Variants in DHRSX observed in about 807,000 individuals in gnomAD.
DHRSX encodes dehydrogenase/reductase X-linked, also known as polyprenol dehydrogenase.
Under a neutral mutation model 34.0 loss-of-function variants are expected in DHRSX, and 31 were observed. The ratio of observed to expected loss-of-function variants is 0.91; its 90% CI spans 0.69 to 1.23. The LOEUF is 1.23. Among genes scored for constraint, DHRSX ranks in the 50% most tolerant of loss-of-function variants. The probability of loss-of-function intolerance (pLI) is 0.00; values close to 1 mark genes in which losing one functional copy is unlikely to be tolerated. For synonymous variants in DHRSX, 201 were observed against 183.8 expected (o/e 1.09, Z -0.76); for missense variants, 414 against 428.1 (o/e 0.97, Z 0.29).
chrX:2,489,913 G>C, intron 1 of DHRSX: 1 of 1,613,884 alleles, frequency 6.2e-7, no homozygotes, highest in Middle Eastern at 1.7e-4. Context: ...TGCCATAGTT[G>C]GTGGTGGCCC....
intron 3 of DHRSX, among the ~76,000 whole-genome samples, chrX:2,357,715 A>C (rs1602999128): frequency 6.6e-6 from 1 of 151,810 alleles, no homozygotes; most frequent in South Asian, 2.1e-4. Flanking sequence ...AAAAAAAAAA[A>C]AAAAAGAATC....
intron 1 of DHRSX, among the ~76,000 whole-genome samples, chrX:2,482,689 A>G (rs1328768078): frequency 6.6e-6 from 1 of 152,228 alleles, no homozygotes; most frequent in Non-Finnish European, 1.5e-5. Context: ...TTGTGGATAC[A>G]GTTTTGGAAG....
intron 3 of DHRSX, among the ~76,000 whole-genome samples, chrX:2,303,728 ATGGATAGG>A (rs1208676810): frequency 6.7e-6 from 1 of 148,708 alleles, no homozygotes; most frequent in Non-Finnish European, 1.5e-5. Flanking sequence ...GGGTAGATGG[ATGGATAGG>A]TGGATGGATG....
At chrX:2,450,386 C>T (rs1355980979) in intron 1 of DHRSX, among the ~76,000 whole-genome samples, 3 of 151,998 alleles carry the variant, frequency 2.0e-5, no homozygotes, top group African/African-American at 4.8e-5. Context: ...CGCTCGAACC[C>T]GGGAGGTGAA....
At chrX:2,476,720 T>A (rs1274397319) in intron 1 of DHRSX, among the ~76,000 whole-genome samples, 3 of 152,168 alleles carry the variant, frequency 2.0e-5, no homozygotes, top group Admixed American at 2.0e-4. Flanking sequence ...AAGAATGGGA[T>A]TGACCAGGTG....
chrX:2,295,276 G>A (rs1033540460), intron 3 of DHRSX, among the ~76,000 whole-genome samples: 1 of 152,130 alleles, frequency 6.6e-6, no homozygotes, highest in African/African-American at 2.4e-5. Flanking sequence ...TCCTTTGCAG[G>A]GACATGGATG....
intron 3 of DHRSX, among the ~76,000 whole-genome samples, chrX:2,328,067 G>A (rs745471928): frequency 1.2e-3 from 98 of 84,590 alleles, no homozygotes; most frequent in African/African-American, 4.6e-3. Flanking sequence ...GCGACAGAGC[G>A]AGACTCCGTC....
chrX:2,310,807 T>A (rs2042155201), intron 3 of DHRSX, among the ~76,000 whole-genome samples: 1 of 151,610 alleles, frequency 6.6e-6, no homozygotes, highest in South Asian at 2.1e-4. Context: ...ACACCTGTAA[T>A]CCCAATAGTT....
At chrX:2,285,912 T>C (rs1212219046) in intron 4 of DHRSX, among the ~76,000 whole-genome samples, 4 of 152,100 alleles carry the variant, frequency 2.6e-5, no homozygotes, top group Non-Finnish European at 5.9e-5. Context: ...GATGAACCCA[T>C]TCTCAGCGTT....
chrX:2,307,483 C>CG (rs1230990853), intron 3 of DHRSX, among the ~76,000 whole-genome samples: 84 of 150,960 alleles, frequency 5.6e-4, no homozygotes, highest in Middle Eastern at 6.8e-3. Flanking sequence ...CAAACAAGGC[C>CG]GGGGGGTGGG....
intron 6 of DHRSX, among the ~76,000 whole-genome samples, chrX:2,224,019 A>T (rs921206964): frequency 2.6e-4 from 40 of 152,216 alleles, no homozygotes; most frequent in Non-Finnish European, 5.1e-4. Context: ...AGAAATGAGC[A>T]TTTACACCTC....
intron 5 of DHRSX, among the ~76,000 whole-genome samples, chrX:2,248,770 CA>C: frequency 6.6e-6 from 1 of 152,064 alleles, no homozygotes; most frequent in South Asian, 2.1e-4. Flanking sequence ...GCTCAGAGGC[CA>C]AAAAAATCTA....
chrX:2,438,912 C>T (rs934954378), intron 1 of DHRSX, among the ~76,000 whole-genome samples: 11 of 151,824 alleles, frequency 7.2e-5, no homozygotes, highest in African/African-American at 2.2e-4. Context: ...TTTGAGAGGC[C>T]GAGGTGGGTG....
At chrX:2,365,236 TTAAA>T (rs1179605629) in intron 3 of DHRSX, among the ~76,000 whole-genome samples, 5 of 152,306 alleles carry the variant, frequency 3.3e-5, no homozygotes, top group Admixed American at 2.0e-4. Context: ...TACAAGGAAC[TTAAA>T]TAAATTCTCC....
chrX:2,290,589 A>G (rs113198050), intron 4 of DHRSX, among the ~76,000 whole-genome samples: 24,662 of 152,138 alleles, frequency 0.16, 2,668 homozygotes, highest in Non-Finnish European at 0.23. Context: ...CATGTATTTG[A>G]AAGGAATGTG....
At chrX:2,356,403 A>G (rs1461549088) in intron 3 of DHRSX, among the ~76,000 whole-genome samples, 1 of 152,154 alleles carries the variant, frequency 6.6e-6, no homozygotes, top group African/African-American at 2.4e-5. Flanking sequence ...AATGTGGAGA[A>G]TCATGTCAGG....
At chrX:2,237,273 T>G (rs1467403201) in intron 6 of DHRSX, among the ~76,000 whole-genome samples, 2 of 152,132 alleles carry the variant, frequency 1.3e-5, no homozygotes, top group Admixed American at 6.6e-5. Context: ...TCAATCCAAG[T>G]TCCAATCAAC....
chrX:2,345,663 A>G (rs1231340987), intron 3 of DHRSX, among the ~76,000 whole-genome samples: 1 of 151,598 alleles, frequency 6.6e-6, no homozygotes, highest in East Asian at 1.9e-4. Context: ...CTCAAAAAAA[A>G]AAAAAAAAAA....
chrX:2,318,703 A>C (rs1166015702), intron 3 of DHRSX, among the ~76,000 whole-genome samples: 1 of 151,254 alleles, frequency 6.6e-6, no homozygotes, highest in Non-Finnish European at 1.5e-5. Context: ...ACTCACGAAT[A>C]ATCTTTCCCT....
Sources: gnomAD v4.1 joint callset for allele counts (sites outside exome capture counted in the v4.1 genomes callset) on GRCh38, gnomAD v4.1.1 for gene constraint, MANE v1.5 for transcripts, NCBI Gene and HGNC (gene_info 2026-07-23, HGNC 2026-07-21) for gene names.